Variants in POC1A observed in about 807,000 individuals in gnomAD.
POC1A encodes POC1 centriolar protein A, also known as POC1 centriolar protein homolog A.
A neutral mutation model predicts 47.8 loss-of-function variants in POC1A; 34 were observed. The observed-to-expected ratio is 0.71, with a 90% CI of 0.54 to 0.95. The LOEUF (loss-of-function observed/expected upper bound fraction) is 0.95. Among genes scored for constraint, POC1A ranks in the 40% least tolerant of loss-of-function variants. The probability of loss-of-function intolerance (pLI) is 0.00; values close to 1 mark genes in which losing one functional copy is unlikely to be tolerated. For missense variants in POC1A, 466 were observed against 528.3 expected (o/e 0.88, Z 1.16); for synonymous variants, 177 against 207.6 (o/e 0.85, Z 1.27).
At chr3:52,134,996 G>A (rs1179144508) in intron 7 of POC1A, among the ~76,000 whole-genome samples, 1 of 152,206 alleles carries the variant, frequency 6.6e-6, no homozygotes. Context: ...AGAACAGAAT[G>A]TGAAAGATGA....
intron 10 of POC1A, among the ~76,000 whole-genome samples, chr3:52,077,001 G>A (rs1177252979): frequency 6.6e-6 from 1 of 152,266 alleles, no homozygotes; most frequent in African/African-American, 2.4e-5. Context: ...GAGCCTGCAT[G>A]CTCCCCAAAG....
At chr3:52,133,169 A>G (rs890785077) in intron 7 of POC1A, among the ~76,000 whole-genome samples, 1 of 152,136 alleles carries the variant, frequency 6.6e-6, no homozygotes, top group African/African-American at 2.4e-5. Context: ...GCACTTATGA[A>G]AGGGCTTGAC....
At chr3:52,098,700 C>T (rs1233413001) in intron 9 of POC1A, among the ~76,000 whole-genome samples, 1 of 152,172 alleles carries the variant, frequency 6.6e-6, no homozygotes, top group Middle Eastern at 3.2e-3. Flanking sequence ...TAGTGCTGCC[C>T]TGAGCCATTT....
chr3:52,151,185 G>A, intron 1 of POC1A, 85 bp from the exon 2 acceptor site: 2 of 1,585,502 alleles, frequency 1.3e-6, no homozygotes, highest in Non-Finnish European at 1.7e-6. Context: ...CAACAGCCGG[G>A]GGAGTAGGGT....
intron 9 of POC1A, among the ~76,000 whole-genome samples, chr3:52,113,008 A>C (rs1409738365): frequency 1.3e-5 from 2 of 152,204 alleles, no homozygotes; most frequent in Non-Finnish European, 2.9e-5. Context: ...GCTGTGTTTT[A>C]ACAAGCCCTC....
intron 9 of POC1A, among the ~76,000 whole-genome samples, chr3:52,108,117 A>T (rs1312831294): frequency 6.6e-6 from 1 of 152,248 alleles, no homozygotes; most frequent in Non-Finnish European, 1.5e-5. Context: ...CACCACCAGA[A>T]AAGTGATGTG....
At chr3:52,141,532 CA>C (rs902289732) in intron 6 of POC1A, among the ~76,000 whole-genome samples, 1 of 152,216 alleles carries the variant, frequency 6.6e-6, no homozygotes, top group African/African-American at 2.4e-5. Flanking sequence ...AAAGGACACC[CA>C]AAACACTCCT....
Position 52,090,861 on chromosome 3 carries a change from G to C in POC1A, c.1125+5708C>G, listed in dbSNP as rs975964213. Among the ~76,000 whole-genome samples the C allele has an allele frequency of 4.6e-5, 7 of 152,054 alleles. No homozygotes were observed. Among genetic ancestry groups the C allele is most frequent in the Non-Finnish European group, 8.8e-5 (6 of 68,002 alleles). ...TGCTCAGAATGGAGGAGCCTGGCCT[G>C]GGGGGCAGGCAGATGAAAAGGCCCC... On this transcript the variant is annotated intron_variant, in intron 10 of 10. Transcript: ENST00000296484. This position sits in a 1 kb window ranked among gnomAD's most constrained non-coding sequence, Gnocchi z 4.2.
In POC1A at chr3:52,077,776, C is replaced by T. The variant is rs144043467; in HGVS notation, c.1126-1791G>A. ...AAACTCAAGGCCGCAGCAGAGGAGCCTGTTTTTCCTCTTCTGCCTTTTTTT... is the reference window on the plus strand; with the variant it reads ...AAACTCAAGGCCGCAGCAGAGGAGCTTGTTTTTCCTCTTCTGCCTTTTTTT... On this transcript the variant is annotated intron_variant, in intron 10 of 10. Coordinates refer to ENST00000296484, the MANE Select transcript of POC1A (RefSeq NM_015426.5). Among the ~76,000 whole-genome samples, 911 of 152,192 alleles carry T rather than the reference C, an allele frequency of 6.0e-3. 5 individuals are homozygous for T. The highest frequency in any genetic ancestry group is 9.8e-3 in the Non-Finnish European group (663 of 67,984).
intron 8 of POC1A, among the ~76,000 whole-genome samples, chr3:52,122,906 C>A (rs1443070853): frequency 6.6e-6 from 1 of 152,238 alleles, no homozygotes; most frequent in Non-Finnish European, 1.5e-5. Flanking sequence ...ATTTAATCCC[C>A]TTTTCATTGT....
intron 7 of POC1A, among the ~76,000 whole-genome samples, chr3:52,136,631 C>G (rs1163172835): frequency 6.6e-6 from 1 of 152,164 alleles, no homozygotes; most frequent in Non-Finnish European, 1.5e-5. Flanking sequence ...AAGAAATGAC[C>G]CAGCCCTATC....
chr3:52,122,232 A>T (rs1577876092), intron 9 of POC1A, 147 bp downstream of exon 9: 2 of 594,810 alleles, frequency 3.4e-6, no homozygotes, highest in East Asian at 5.6e-5. Context: ...CTTCCAAAGT[A>T]TTTGGTAAAT....
At chr3:52,112,017 C>T (rs1375365022) in intron 9 of POC1A, among the ~76,000 whole-genome samples, 1 of 152,216 alleles carries the variant, frequency 6.6e-6, no homozygotes, top group Non-Finnish European at 1.5e-5. Context: ...AGCAGAGCCA[C>T]AGCAAGTCCC....
intron 10 of POC1A, among the ~76,000 whole-genome samples, chr3:52,094,703 C>A (rs1187185461): frequency 1.3e-5 from 2 of 152,232 alleles, no homozygotes; most frequent in Non-Finnish European, 1.5e-5. Flanking sequence ...TTTATGGCAT[C>A]CAGAAACACA....
intron 6 of POC1A, among the ~76,000 whole-genome samples, chr3:52,141,587 A>G (rs1698196089): frequency 6.6e-6 from 1 of 152,188 alleles, no homozygotes; most frequent in Non-Finnish European, 1.5e-5. Flanking sequence ...ACAGTGGGAG[A>G]GTAGGTTGGC....
At chr3:52,128,078 G>C (rs1173678814) in intron 7 of POC1A, among the ~76,000 whole-genome samples, 1 of 152,076 alleles carries the variant, frequency 6.6e-6, no homozygotes, top group East Asian at 1.9e-4. Flanking sequence ...TCATTGTGAG[G>C]AAAAACAAAG....
chr3:52,094,813 T>G (rs1702758996), intron 10 of POC1A, among the ~76,000 whole-genome samples: 1 of 152,174 alleles, frequency 6.6e-6, no homozygotes, highest in Non-Finnish European at 1.5e-5. Flanking sequence ...CTGAATGGTG[T>G]GAGGCAGGAC....
intron 9 of POC1A, among the ~76,000 whole-genome samples, chr3:52,106,584 T>C (rs1314063100): frequency 2.6e-5 from 4 of 152,228 alleles, no homozygotes. Context: ...GGAATCTGCA[T>C]GCCTGACCAA....
chr3:52,128,941 C>T (rs1704112685), intron 7 of POC1A, among the ~76,000 whole-genome samples: 2 of 152,034 alleles, frequency 1.3e-5, no homozygotes, highest in African/African-American at 4.8e-5. Flanking sequence ...GTTTAGTTTC[C>T]ACTGTGATTT....
Sources: allele counts gnomAD v4.1 joint callset (sites outside exome capture counted in the v4.1 genomes callset), GRCh38; gene constraint gnomAD v4.1.1; non-coding constraint Gnocchi (gnomAD v3.1); transcripts MANE v1.5; gene names NCBI Gene and HGNC (gene_info 2026-07-23, HGNC 2026-07-21).